TMEM170B: variants seen among roughly 807,000 people sequenced by gnomAD.
TMEM170B encodes the protein transmembrane protein 170B.
A neutral mutation model predicts 13.0 loss-of-function variants in TMEM170B; 6 were observed. That is an observed-to-expected ratio of 0.46 (90% CI 0.25 to 0.91). The LOEUF (loss-of-function observed/expected upper bound fraction) is 0.91, where lower values mean the gene tolerates loss of function less well. Ranked by LOEUF, TMEM170B falls within the 40% of genes least tolerant of loss-of-function variation. The pLI is 0.17. For missense variants in TMEM170B, 138 were observed against 165.2 expected, an observed-to-expected ratio of 0.84 and a Z score of 0.90; for synonymous variants, 61 against 64.9, an observed-to-expected ratio of 0.94 and a Z score of 0.29.
At chr6:11,551,862 A>T (rs1278279041) in intron 1 of TMEM170B, among the ~76,000 whole-genome samples, 3 of 152,212 alleles carry the variant, frequency 2.0e-5, no homozygotes, top group Non-Finnish European at 4.4e-5. Context: ...ATGGGTTGGT[A>T]CTACCAGGAC....
chr6:11,583,505 A>G lies in TMEM170B; in HGVS notation c.*7944A>G, dbSNP rs1759984835. Reference sequence around the variant, plus strand: ...ATTTCATGCACTTATATATAAATAAACCTGTCTTTGAAAGCTTTATGGGGT... The same window carrying G: ...ATTTCATGCACTTATATATAAATAAGCCTGTCTTTGAAAGCTTTATGGGGT... On this transcript the variant is annotated 3_prime_UTR_variant, in exon 3 of 3. Transcript: ENST00000379426. 6.6e-6 allele frequency: 1 copy of G among 152,268 alleles called. No homozygotes were observed. The highest frequency in any genetic ancestry group is 1.5e-5 in the Non-Finnish European group (1 of 68,028). 9.4% of individuals were successfully genotyped at this position (152,268 alleles called of 1,614,324 possible).
At chr6:11,546,012 TAAAAAAAAAAA>T (rs35584418) in intron 1 of TMEM170B, among the ~76,000 whole-genome samples, 4 of 95,562 alleles carry the variant, frequency 4.2e-5, no homozygotes, top group Admixed American at 1.4e-4. Flanking sequence ...ACTCCGTCTT[TAAAAAAAAAAA>T]AAAAAAAAAA....
intron 2 of TMEM170B, among the ~76,000 whole-genome samples, chr6:11,571,034 A>G (rs1243426914): frequency 2.0e-5 from 3 of 152,186 alleles, no homozygotes; most frequent in African/African-American, 4.8e-5. Context: ...TAGTTTGCCA[A>G]CCTCGATCTA....
chr6:11,541,978 C>T (rs572202388), intron 1 of TMEM170B, among the ~76,000 whole-genome samples: 3 of 151,496 alleles, frequency 2.0e-5, no homozygotes, highest in Non-Finnish European at 4.4e-5. Flanking sequence ...TCAGAGATCA[C>T]TTATCACAGA....
In TMEM170B at chr6:11,578,302, C is replaced by T. The variant is rs1759906233; in HGVS notation, c.*2741C>T. 1 of 152,048 alleles carries T rather than the reference C, an allele frequency of 6.6e-6. No individual in the cohort carries two copies. Among genetic ancestry groups the T allele is most frequent in the Admixed American group, 6.6e-5 (1 of 15,254 alleles). The allele number at this position is 152,048 out of a possible 1,614,324, so 9.4% of individuals were successfully genotyped here. On this transcript the variant is annotated 3_prime_UTR_variant, in exon 3 of 3. Transcript: ENST00000379426. ...TTGTTAAAATTCGTATGTGATTTAG[C>T]AGTACATTTTCTTCGTGACAAATGC...
At chr6:11,570,669 C>T (rs535743154) in intron 2 of TMEM170B, among the ~76,000 whole-genome samples, 6 of 152,124 alleles carry the variant, frequency 3.9e-5, no homozygotes, top group Non-Finnish European at 5.9e-5. Context: ...ACCAAACTTT[C>T]AAGAACAACT....
intron 1 of TMEM170B, among the ~76,000 whole-genome samples, chr6:11,539,482 C>G (rs1222656252): frequency 1.3e-5 from 2 of 152,002 alleles, no homozygotes; most frequent in African/African-American, 4.8e-5. Flanking sequence ...GTATAGAATA[C>G]AAACATTCAT....
chr6:11,546,418 T>C (rs1279110537), intron 1 of TMEM170B, among the ~76,000 whole-genome samples: 1 of 152,166 alleles, frequency 6.6e-6, no homozygotes, highest in Non-Finnish European at 1.5e-5. Context: ...TAAGGTTAAT[T>C]ATTGCAGAAC....
intron 1 of TMEM170B, among the ~76,000 whole-genome samples, chr6:11,559,060 T>C (rs1759626634): frequency 6.6e-6 from 1 of 152,192 alleles, no homozygotes. Flanking sequence ...AGCTCTGCCA[T>C]TGTAGCTTGA....
At chr6:11,550,426 G>T (rs1184812577) in intron 1 of TMEM170B, among the ~76,000 whole-genome samples, 2 of 151,904 alleles carry the variant, frequency 1.3e-5, no homozygotes, top group South Asian at 4.1e-4. Context: ...ACCCGCCTCA[G>T]CCTCCCAAAG....
chr6:11,561,033 A>T (rs552094210), intron 1 of TMEM170B, among the ~76,000 whole-genome samples: 11 of 152,274 alleles, frequency 7.2e-5, no homozygotes, highest in African/African-American at 2.6e-4. Context: ...CTTTTACCCC[A>T]CCAAAAAGTA....
intron 1 of TMEM170B, among the ~76,000 whole-genome samples, chr6:11,546,776 T>C (rs938341176): frequency 1.3e-5 from 2 of 152,218 alleles, no homozygotes; most frequent in Non-Finnish European, 2.9e-5. Context: ...GCTTATACCA[T>C]CTAGGTTTGT....
intron 1 of TMEM170B, among the ~76,000 whole-genome samples, chr6:11,551,183 C>T (rs923447492): frequency 6.6e-6 from 1 of 152,160 alleles, no homozygotes; most frequent in East Asian, 1.9e-4. Context: ...CTCCATAGGG[C>T]TACTCACAAC....
At position 11,579,067 on chromosome 6, in the gene TMEM170B, A is replaced by G. The variant is rs1477107305; in HGVS notation, c.*3506A>G. 6.6e-6 allele frequency: 1 copy of G among 152,202 alleles called. No individual in the cohort carries two copies. Among genetic ancestry groups the G allele is most frequent in the African/African-American group, 2.4e-5 (1 of 41,460 alleles). 9.4% of individuals were successfully genotyped at this position (152,202 alleles called of 1,614,324 possible). On this transcript the variant is annotated 3_prime_UTR_variant, in exon 3 of 3. Coordinates refer to ENST00000379426, the MANE Select transcript of TMEM170B (RefSeq NM_001100829.3). Reference sequence around the variant, plus strand: ...ACCTTGAGTACACCAAGAGCTAGCAAGATGATTTTTAAATCCTAAAAAGTT... The same window carrying G: ...ACCTTGAGTACACCAAGAGCTAGCAGGATGATTTTTAAATCCTAAAAAGTT...
At chr6:11,565,877 A>G (rs1469429516) in intron 2 of TMEM170B, 41 bp downstream of exon 2, 5 of 1,592,354 alleles carry the variant, frequency 3.1e-6, no homozygotes, top group East Asian at 2.2e-5. Context: ...AAGTTTGTAT[A>G]CACTTACCAT....
chr6:11,562,805 A>AACC, intron 1 of TMEM170B, among the ~76,000 whole-genome samples: 1 of 152,176 alleles, frequency 6.6e-6, no homozygotes, highest in Middle Eastern at 3.2e-3. Context: ...TTAGTTCTAT[A>AACC]CAATTGTATC....
intron 1 of TMEM170B, among the ~76,000 whole-genome samples, chr6:11,558,896 G>C (rs572208113): frequency 6.6e-6 from 1 of 152,114 alleles, no homozygotes; most frequent in South Asian, 2.1e-4. Flanking sequence ...ATGGGGGATG[G>C]GACAGCCAAG....
In TMEM170B at chr6:11,565,780, C is replaced by G; in HGVS notation, c.212C>G (p.Ser71Cys). The G allele has an allele frequency of 6.2e-7, 1 of 1,614,168 alleles. No individual in the cohort carries two copies. The highest frequency in any genetic ancestry group is 8.5e-7 in the Non-Finnish European group (1 of 1,180,006). The change falls in exon 2 of 3, where the codon TCT (serine) becomes TGT (cysteine). Residue 71 changes from serine to cysteine, a missense_variant. Ser to Cys is a moderately radical substitution (Grantham distance 112, BLOSUM62 -1). Coordinates refer to ENST00000379426, the MANE Select transcript of TMEM170B (RefSeq NM_001100829.3). ...LQRHRQGRVISVIAVSIGFLA... is the reference protein window; with the variant it reads ...LQRHRQGRVICVIAVSIGFLA... The stretch of plus-strand genomic sequence containing the variant: ...AGGCATAGGCAGGGAAGAGTCATCT[C>G]TGTCATTGCAGTCAGCATTGGATTT...
At chr6:11,542,661 C>A (rs1759377954) in intron 1 of TMEM170B, among the ~76,000 whole-genome samples, 1 of 152,174 alleles carries the variant, frequency 6.6e-6, no homozygotes, top group African/African-American at 2.4e-5. Flanking sequence ...TCAACAGTGG[C>A]AGTCTATAAG....
Sources: allele counts gnomAD v4.1 joint callset (sites outside exome capture counted in the v4.1 genomes callset), GRCh38; gene constraint gnomAD v4.1.1; transcripts MANE v1.5; gene names NCBI Gene and HGNC (gene_info 2026-07-23, HGNC 2026-07-21).